KCNQ5: variants seen among roughly 807,000 people sequenced by gnomAD.
The protein encoded by KCNQ5 is potassium voltage-gated channel subfamily KQT member 5.
A neutral mutation model predicts 98.2 loss-of-function variants in KCNQ5; 30 were observed. The observed-to-expected ratio is 0.31, with a 90% CI of 0.23 to 0.41. KCNQ5 has a LOEUF of 0.41. KCNQ5 is among the 10% of genes least tolerant of loss of function. KCNQ5 has a pLI of 1.00. For missense variants in KCNQ5, 835 were observed against 1,182.5 expected (o/e 0.71, Z 4.31); for synonymous variants, 458 against 449.4 (o/e 1.02, Z -0.24).
At chr6:72,894,325 C>T (rs1419127484) in intron 1 of KCNQ5, among the ~76,000 whole-genome samples, 2 of 152,180 alleles carry the variant, frequency 1.3e-5, no homozygotes, top group Non-Finnish European at 2.9e-5. Context: ...TACCCAGTAC[C>T]TTGATGTTTT....
chr6:73,130,202 G>A (rs937334740), intron 9 of KCNQ5, among the ~76,000 whole-genome samples: 7 of 152,278 alleles, frequency 4.6e-5, no homozygotes, highest in Admixed American at 2.0e-4. Flanking sequence ...ATCCCATGAA[G>A]GGCTAAAACC....
chr6:73,034,220 T>A (rs1771288423), intron 2 of KCNQ5, among the ~76,000 whole-genome samples: 1 of 152,232 alleles, frequency 6.6e-6, no homozygotes, highest in Non-Finnish European at 1.5e-5. Flanking sequence ...TCACAAATTC[T>A]TTCCCTGCAG....
At chr6:73,124,365 T>C in intron 8 of KCNQ5, 121 bp from the exon 9 acceptor site, 11 of 823,474 alleles carry the variant, frequency 1.3e-5, no homozygotes, top group Non-Finnish European at 2.3e-5. Flanking sequence ...TTTGTGGATC[T>C]TGCATGAAAA....
intron 1 of KCNQ5, among the ~76,000 whole-genome samples, chr6:72,670,896 G>A (rs1767069992): frequency 6.6e-6 from 1 of 152,168 alleles, no homozygotes; most frequent in African/African-American, 2.4e-5. Context: ...GTCAGATCCT[G>A]TAGACCCGGT....
intron 1 of KCNQ5, among the ~76,000 whole-genome samples, chr6:72,808,734 G>C (rs974003962): frequency 3.9e-5 from 6 of 151,972 alleles, no homozygotes; most frequent in African/African-American, 1.5e-4. Context: ...ATTGCCTGAG[G>C]TCAGGGGTTC....
At chr6:72,688,526 T>C (rs914936971) in intron 1 of KCNQ5, among the ~76,000 whole-genome samples, 1 of 152,234 alleles carries the variant, frequency 6.6e-6, no homozygotes, top group African/African-American at 2.4e-5. Flanking sequence ...TAAATAAATA[T>C]AAAAGTTTTA....
intron 1 of KCNQ5, among the ~76,000 whole-genome samples, chr6:72,675,078 G>A (rs11967977): frequency 0.014 from 2,119 of 152,214 alleles, 61 homozygotes; most frequent in African/African-American, 0.048. Context: ...AAAAAATTCA[G>A]TAGTTATTTT....
chr6:72,661,185 A>G (rs1766506584), intron 1 of KCNQ5, among the ~76,000 whole-genome samples: 1 of 151,980 alleles, frequency 6.6e-6, no homozygotes, highest in Non-Finnish European at 1.5e-5. Context: ...GTTATTTAAT[A>G]CTTATTTTCT....
At chr6:73,018,951 A>T (rs1288808734) in intron 2 of KCNQ5, among the ~76,000 whole-genome samples, 1 of 152,188 alleles carries the variant, frequency 6.6e-6, no homozygotes, top group Admixed American at 6.5e-5. Context: ...CTTCCTTGGA[A>T]GTTACTTAGA....
At chr6:72,809,419 G>C (rs113348344) in intron 1 of KCNQ5, among the ~76,000 whole-genome samples, 41 of 152,244 alleles carry the variant, frequency 2.7e-4, no homozygotes, top group African/African-American at 9.9e-4. Context: ...AGGCGTGGTG[G>C]CATGTGCCTG....
intron 1 of KCNQ5, among the ~76,000 whole-genome samples, chr6:72,736,746 G>A (rs906476799): frequency 6.6e-6 from 1 of 151,614 alleles, no homozygotes; most frequent in Admixed American, 6.6e-5. Context: ...TGATCCGCCC[G>A]CCTCGGCCTC....
chr6:72,924,887 T>C (rs1277850404), intron 1 of KCNQ5, among the ~76,000 whole-genome samples: 9 of 152,184 alleles, frequency 5.9e-5, no homozygotes, highest in Non-Finnish European at 1.0e-4. Flanking sequence ...TTTCCTTTTG[T>C]TCCCTAAAAA....
intron 1 of KCNQ5, among the ~76,000 whole-genome samples, chr6:72,842,998 T>G (rs1776864552): frequency 6.6e-6 from 1 of 152,218 alleles, no homozygotes; most frequent in African/African-American, 2.4e-5. Context: ...TAGATCCCAT[T>G]TGTCAATATT....
chr6:72,934,408 G>C (rs971025158), intron 1 of KCNQ5, among the ~76,000 whole-genome samples: 7 of 152,146 alleles, frequency 4.6e-5, no homozygotes, highest in African/African-American at 1.7e-4. Flanking sequence ...GGTGATGACA[G>C]TGGTGATAGT....
At chr6:72,739,587 C>A (rs1771026314) in intron 1 of KCNQ5, among the ~76,000 whole-genome samples, 1 of 152,184 alleles carries the variant, frequency 6.6e-6, no homozygotes, top group African/African-American at 2.4e-5. Context: ...CCTATTCTTT[C>A]TTAGAAATGA....
At chr6:72,972,495 C>T (rs1315411937) in intron 1 of KCNQ5, among the ~76,000 whole-genome samples, 1 of 151,186 alleles carries the variant, frequency 6.6e-6, no homozygotes, top group Non-Finnish European at 1.5e-5. Context: ...TCTCCCCTCA[C>T]CCCCTACCCC....
chr6:72,986,354 A>G, intron 1 of KCNQ5: 1 of 391,060 alleles, frequency 2.6e-6, no homozygotes, highest in Non-Finnish European at 4.7e-6. Flanking sequence ...GGTCCATCAG[A>G]ATGATCACCA....
chr6:73,160,598 G>A (rs1159933205), intron 10 of KCNQ5, among the ~76,000 whole-genome samples: 1 of 152,160 alleles, frequency 6.6e-6, no homozygotes, highest in African/African-American at 2.4e-5. Context: ...TTTTTATGAT[G>A]TAGTCATTTA....
intron 5 of KCNQ5, among the ~76,000 whole-genome samples, chr6:73,097,370 G>A (rs1250195553): frequency 6.6e-6 from 1 of 151,918 alleles, no homozygotes; most frequent in African/African-American, 2.4e-5. Context: ...ATGAGATGCA[G>A]AAACATCATT....
Sources: gnomAD v4.1 joint callset for allele counts (sites outside exome capture counted in the v4.1 genomes callset) on GRCh38, gnomAD v4.1.1 for gene constraint, MANE v1.5 for transcripts, NCBI Gene and HGNC (gene_info 2026-07-23, HGNC 2026-07-21) for gene names.